CAMK2A: variants seen among roughly 807,000 people sequenced by gnomAD.
The protein encoded by CAMK2A is calcium/calmodulin dependent protein kinase II alpha.
In CAMK2A, 7 loss-of-function variants were observed where a neutral mutation model predicts 79.2. That is an observed-to-expected ratio of 0.09 (90% CI 0.05 to 0.17). CAMK2A has a LOEUF of 0.17. CAMK2A is among the 10% of genes least tolerant of loss of function. The pLI, the probability that CAMK2A is intolerant of heterozygous loss-of-function variation, is 1.00. For missense variants in CAMK2A, 214 were observed against 646.4 expected (o/e 0.33, Z 7.25); for synonymous variants, 242 against 251.7 (o/e 0.96, Z 0.36).
chr5:150,243,290 G>C (rs1266243648), intron 13 of CAMK2A, among the ~76,000 whole-genome samples: 1 of 152,102 alleles, frequency 6.6e-6, no homozygotes, highest in East Asian at 1.9e-4. Context: ...CGGTGTCTCT[G>C]GTCTCTATCC....
intron 1 of CAMK2A, among the ~76,000 whole-genome samples, chr5:150,275,341 T>C (rs1219798494): frequency 2.6e-5 from 4 of 152,164 alleles, no homozygotes. Context: ...TTCACTTTTC[T>C]TCCATCATTC....
chr5:150,262,053 G>A (rs1209743730), intron 3 of CAMK2A, among the ~76,000 whole-genome samples: 1 of 152,204 alleles, frequency 6.6e-6, no homozygotes, highest in African/African-American at 2.4e-5. Flanking sequence ...TCATCTGCAG[G>A]TGGTGATGGT....
intron 13 of CAMK2A, among the ~76,000 whole-genome samples, chr5:150,243,194 A>G (rs1562153721): frequency 6.6e-6 from 1 of 152,106 alleles, no homozygotes; most frequent in African/African-American, 2.4e-5. Context: ...CCCAGCCTCT[A>G]CCAGGGCTAC....
intron 2 of CAMK2A, chr5:150,265,339 A>G (rs1756469204): frequency 3.6e-6 from 1 of 279,310 alleles, no homozygotes; most frequent in South Asian, 5.0e-5. Context: ...TAAATGGCCG[A>G]CTTCACCTCT....
chr5:150,257,111 T>A lies in CAMK2A; in HGVS notation c.273-280A>T, dbSNP rs1019488732. On this transcript the variant is annotated intron_variant, in intron 4 of 18. Coordinates refer to ENST00000671881, the MANE Select transcript of CAMK2A (RefSeq NM_015981.4). The stretch of plus-strand genomic sequence containing the variant: ...GGAGGTTAGGGAAAGTCAGAGCACA[T>A]CACTAGGCTCATTAGGAAGCCTATG... 2.0e-5 allele frequency among the ~76,000 whole-genome samples: 3 copies of A among 151,990 alleles called. No homozygotes were observed. The East Asian group carries it at 5.8e-4, about 29-fold the overall frequency.
intron 1 of CAMK2A, among the ~76,000 whole-genome samples, chr5:150,273,610 C>A (rs1227778885): frequency 6.6e-6 from 1 of 152,150 alleles, no homozygotes; most frequent in Non-Finnish European, 1.5e-5. Flanking sequence ...CCAGAGATTA[C>A]CACTGTTACC....
chr5:150,274,010 C>T (rs76775067), intron 1 of CAMK2A, among the ~76,000 whole-genome samples: 4,897 of 152,232 alleles, frequency 0.032, 270 homozygotes, highest in African/African-American at 0.11. Flanking sequence ...AGAGATTGTC[C>T]ATATTAAAGA....
chr5:150,256,515 G>C lies in CAMK2A; in HGVS notation c.411+58C>G. Reference sequence around the variant, plus strand: ...TAATGTCCAGCTCTGCAGGATTAGGGACGTGCAGAGGAGAGAGGGGCTCCC... The same window carrying C: ...TAATGTCCAGCTCTGCAGGATTAGGCACGTGCAGAGGAGAGAGGGGCTCCC... On this transcript the variant is annotated intron_variant, in intron 6 of 18. Coordinates refer to ENST00000671881, the MANE Select transcript of CAMK2A (RefSeq NM_015981.4). The surrounding 1 kb of genome is among the most constrained non-coding windows in gnomAD (Gnocchi z 4.6). 1 of 1,132,166 alleles carries C rather than the reference G, an allele frequency of 8.8e-7. No homozygotes were observed. Among genetic ancestry groups the C allele is most frequent in the Non-Finnish European group, 1.3e-6 (1 of 745,346 alleles). The allele number at this position is 1,132,166 out of a possible 1,614,324, so 70.1% of individuals were successfully genotyped here. A position where few individuals can be genotyped will look rare whatever the true frequency, so the allele number is the denominator to read the frequency against.
At chr5:150,228,350 G>A (rs1754695977) in intron 16 of CAMK2A, 64 bp from the exon 17 acceptor site, 7 of 1,168,864 alleles carry the variant, frequency 6.0e-6, no homozygotes, top group Non-Finnish European at 8.8e-6. Flanking sequence ...CTTGGAGGGT[G>A]AGCCTGTGAA....
At position 150,222,728 on chromosome 5, in the gene CAMK2A, C is replaced by A; in HGVS notation, c.1467-15G>T. The A allele has an allele frequency of 6.2e-7, 1 of 1,614,020 alleles. No homozygotes were observed. Among genetic ancestry groups the A allele is most frequent in the Admixed American group, 1.7e-5 (1 of 60,024 alleles). The stretch of plus-strand genomic sequence containing the variant: ...TGGTCCCTCAGCTGTAAGACACACA[C>A]GGGGTGCTTCTCAGGGCATGGTGTT... On this transcript the variant is annotated splice_polypyrimidine_tract_variant and intron_variant, in intron 18 of 18. Coordinates refer to ENST00000671881, the MANE Select transcript of CAMK2A (RefSeq NM_015981.4).
At chr5:150,244,604 G>A (rs1329949906) in intron 13 of CAMK2A, among the ~76,000 whole-genome samples, 1 of 152,218 alleles carries the variant, frequency 6.6e-6, no homozygotes, top group Non-Finnish European at 1.5e-5. Context: ...GGTGGGACAG[G>A]GCAGGCCCTT....
intron 2 of CAMK2A, among the ~76,000 whole-genome samples, chr5:150,270,665 C>A (rs144495550): frequency 6.6e-6 from 1 of 152,076 alleles, no homozygotes; most frequent in African/African-American, 2.4e-5. Flanking sequence ...CCTCCTCTCC[C>A]GCTGGGAAGA....
chr5:150,285,275 A>T (rs578243241), intron 1 of CAMK2A, among the ~76,000 whole-genome samples: 12 of 152,122 alleles, frequency 7.9e-5, no homozygotes, highest in South Asian at 6.2e-4. Flanking sequence ...TGTAAGATGG[A>T]TGAGTAAGCC....
intron 1 of CAMK2A, among the ~76,000 whole-genome samples, chr5:150,287,414 T>C (rs925046770): frequency 6.6e-6 from 1 of 152,162 alleles, no homozygotes; most frequent in African/African-American, 2.4e-5. Context: ...AAGTCTGAAA[T>C]TGATTAAACA....
chr5:150,251,894 G>C (rs748936532), intron 8 of CAMK2A, 50 bp from the exon 9 acceptor site: 6 of 1,550,522 alleles, frequency 3.9e-6, no homozygotes, highest in Admixed American at 3.4e-5. Flanking sequence ...AGGAGACATG[G>C]GGGGAGGGGA....
At chr5:150,257,174 A>G (rs1221412164) in intron 4 of CAMK2A, among the ~76,000 whole-genome samples, 1 of 151,962 alleles carries the variant, frequency 6.6e-6, no homozygotes, top group East Asian at 1.9e-4. Flanking sequence ...GCTATTTTTT[A>G]TCGATGAGAC....
At chr5:150,288,703 C>T (rs1211293536) in intron 1 of CAMK2A, among the ~76,000 whole-genome samples, 1 of 152,188 alleles carries the variant, frequency 6.6e-6, no homozygotes, top group African/African-American at 2.4e-5. Flanking sequence ...CAACCCTTGA[C>T]CCATCCCAGG....
In CAMK2A at chr5:150,250,669, C is replaced by A; in HGVS notation, c.816+19G>T. The stretch of plus-strand genomic sequence containing the variant: ...GTCTGGAGGGGCTCCTGGGAGAAGT[C>A]CTGCTGAGGAAGGCTCACCGAGATC... On this transcript the variant is annotated intron_variant, in intron 10 of 18. Coordinates refer to ENST00000671881, the MANE Select transcript of CAMK2A (RefSeq NM_015981.4). The A allele has an allele frequency of 6.2e-7, 1 of 1,613,192 alleles. No individual in the cohort carries two copies. The highest frequency in any genetic ancestry group is 8.5e-7 in the Non-Finnish European group (1 of 1,179,514).
chr5:150,258,080 T>A (rs1756137973), intron 3 of CAMK2A, among the ~76,000 whole-genome samples: 1 of 152,236 alleles, frequency 6.6e-6, no homozygotes, highest in Admixed American at 6.5e-5. Context: ...CAGTTGGTGC[T>A]CACTCAGTGC....
Sources: allele counts gnomAD v4.1 joint callset (sites outside exome capture counted in the v4.1 genomes callset), GRCh38; gene constraint gnomAD v4.1.1; non-coding constraint Gnocchi (gnomAD v3.1); transcripts MANE v1.5; gene names NCBI Gene and HGNC (gene_info 2026-07-23, HGNC 2026-07-21).